Variants in ASB2 observed in about 807,000 individuals in gnomAD.
The protein encoded by ASB2 is ankyrin repeat and SOCS box protein 2.
In ASB2, 58 loss-of-function variants were observed where a neutral mutation model predicts 62.4. The observed-to-expected ratio is 0.93, with a 90% CI of 0.75 to 1.16. ASB2 has a LOEUF of 1.16. ASB2 is among the 50% of genes most tolerant of loss of function. The probability of loss-of-function intolerance (pLI) is 0.00; values close to 1 mark genes in which losing one functional copy is unlikely to be tolerated. For synonymous variants in ASB2, 386 were observed against 385.3 expected (o/e 1.00, Z -0.02); for missense variants, 928 against 887.9 (o/e 1.05, Z -0.57).
At chr14:93,972,713 G>A (rs894647648) in intron 1 of ASB2, among the ~76,000 whole-genome samples, 7 of 152,192 alleles carry the variant, frequency 4.6e-5, no homozygotes, top group African/African-American at 1.7e-4. Flanking sequence ...TCTGACCTTG[G>A]TAAGGAAGGG....
chr14:93,944,019 T>C (rs934313311), intron 7 of ASB2: 1 of 455,980 alleles, frequency 2.2e-6, no homozygotes, highest in Non-Finnish European at 4.4e-6. Context: ...CTGTGTTTTC[T>C]GTTGGCCACA....
chr14:93,975,014 C>T (rs775538224), intron 1 of ASB2, among the ~76,000 whole-genome samples: 8 of 152,344 alleles, frequency 5.3e-5, no homozygotes, highest in Middle Eastern at 3.4e-3. Flanking sequence ...TTCTTGGGGA[C>T]GCTGTGCAGC....
At chr14:93,937,600 G>T in intron 9 of ASB2, 98 bp downstream of exon 9, 2 of 1,221,060 alleles carry the variant, frequency 1.6e-6, no homozygotes, top group East Asian at 5.1e-5. Flanking sequence ...CAAGCAGCAG[G>T]TGCTCACAGG....
chr14:93,945,382 C>G (rs1337268336), intron 7 of ASB2, among the ~76,000 whole-genome samples: 1 of 152,188 alleles, frequency 6.6e-6, no homozygotes, highest in African/African-American at 2.4e-5. Flanking sequence ...GTCTGAACCG[C>G]TCAATCATGG....
chr14:93,939,214 G>T lies in ASB2; in HGVS notation c.1511C>A (p.Pro504His), dbSNP rs1888401960. Residue 504 changes from proline (P) to histidine (H), a missense_variant, in exon 8 of 10, where the codon CCC becomes CAC. Physicochemically the swap from Pro to His is moderately conservative, Grantham distance 77. Coordinates refer to ENST00000555019, the MANE Select transcript of ASB2 (RefSeq NM_001202429.2). ...FLMDLGCDGE[P>H]CFSCLYGNGP... is the part of the protein sequence containing the mutation. ...GTTGCCGTAGAGGCATGAGAAGCAGGGCTCGCCGTCGCAGCCCAGGTCCAT... is the reference window on the plus strand; with the variant it reads ...GTTGCCGTAGAGGCATGAGAAGCAGTGCTCGCCGTCGCAGCCCAGGTCCAT... The T allele has an allele frequency of 2.5e-6, 4 of 1,607,500 alleles. No homozygotes were observed. The highest frequency in any genetic ancestry group is 3.4e-6 in the Non-Finnish European group (4 of 1,175,708).
chr14:93,935,719 G>A (rs574462755), intron 9 of ASB2, among the ~76,000 whole-genome samples: 6 of 152,280 alleles, frequency 3.9e-5, no homozygotes, highest in African/African-American at 1.4e-4. Context: ...AGGGCCAGGC[G>A]GCTGCAGCGT....
rs200512221 is a variant in ASB2 at position 93,939,473 on chromosome 14, C to T, written c.1252G>A (p.Ala418Thr). The change falls in exon 8 of 10, where the codon GCG becomes ACG. Residue 418 changes from alanine (A) to threonine (T), a missense_variant. Coordinates refer to ENST00000555019, the MANE Select transcript of ASB2 (RefSeq NM_001202429.2). ...EDRRSSALYF[A>T]VVNNNVYATE... ...GCGTACACGTTGTTGTTGACCACCG[C>T]GAAGTACAGCGCGGAGCTGCGCCGG... is the stretch of plus-strand genomic sequence containing the variant. 2.6e-4 allele frequency: 412 copies of T among 1,611,956 alleles called. 6 individuals carry two copies. In the East Asian group the frequency reaches 8.9e-3, roughly 35 times the overall value.
chr14:93,961,387 C>A (rs558417280), intron 2 of ASB2, among the ~76,000 whole-genome samples: 1 of 152,360 alleles, frequency 6.6e-6, no homozygotes, highest in South Asian at 2.1e-4. Context: ...CCTTTATTCA[C>A]CCATTCACTC....
intron 7 of ASB2, chr14:93,941,726 T>C (rs1040770399): frequency 4.4e-6 from 2 of 455,864 alleles, no homozygotes; most frequent in Non-Finnish European, 8.8e-6. Context: ...GCTGGACAGA[T>C]GGGGCTGGTA....
rs1888777366 is a variant in ASB2, at chr14:93,947,534, A to G, written c.881-14T>C. On this transcript the variant is annotated splice_polypyrimidine_tract_variant and intron_variant, in intron 6 of 9. Coordinates refer to ENST00000555019, the MANE Select transcript of ASB2 (RefSeq NM_001202429.2). The stretch of plus-strand genomic sequence containing the variant: ...TGATGTCAGCACCTGGGGAAGGAGA[A>G]GAGATCAGCAAGTGGCCAAGTGACC... The G allele has an allele frequency of 6.2e-7, 1 of 1,612,534 alleles. No homozygotes were observed. Among genetic ancestry groups the G allele is most frequent in the East Asian group, 2.2e-5 (1 of 44,864 alleles).
Position 93,957,458 on chromosome 14 carries a change from C to T in ASB2, c.207-588G>A, listed in dbSNP as rs1363586898. On this transcript the variant is annotated intron_variant, in intron 2 of 9. Coordinates refer to ENST00000555019, the MANE Select transcript of ASB2 (RefSeq NM_001202429.2). The stretch of plus-strand genomic sequence containing the variant: ...TTATAGGATGCATGAGGAAGGGCGT[C>T]GGAACCAGGGCTGCAGTCAGACAGA... 2.0e-5 allele frequency: 19 copies of T among 934,326 alleles called. 1 individual carries two copies. In the South Asian group the frequency reaches 6.4e-4, roughly 31 times the overall value. 57.9% of individuals were successfully genotyped at this position (934,326 alleles called of 1,614,324 possible). A position where few individuals can be genotyped will look rare whatever the true frequency, so the allele number is the denominator to read the frequency against.
chr14:93,954,980 G>A (rs2141298350), intron 3 of ASB2: 1 of 452,326 alleles, frequency 2.2e-6, no homozygotes, highest in South Asian at 1.6e-5. Context: ...AGCCTTCACA[G>A]TTTAAAACTT....
intron 7 of ASB2, chr14:93,944,136 G>A (rs188473741): frequency 2.2e-4 from 84 of 385,778 alleles, no homozygotes; most frequent in African/African-American, 1.6e-3. Flanking sequence ...CAGCGGCAGC[G>A]CCATCTCGTC....
At position 93,951,097 on chromosome 14, in the gene ASB2, C is replaced by G. The variant is rs1162419369; in HGVS notation, c.782G>C (p.Gly261Ala). The change falls in exon 6 of 10, where the codon GGA becomes GCA. Residue 261 changes from glycine (G) to alanine (A), a missense_variant. Gly to Ala is a moderately conservative substitution (Grantham distance 60). Transcript: ENST00000555019. ...GGCGTTCTTGGATTCCACCTTGGCT[C>G]CTCCGCTCACCAGGATCTGCATGAC... ...LEVMQILVSG[G>A]AKVESKNAYG... 1 of 1,614,114 alleles carries G rather than the reference C, an allele frequency of 6.2e-7. No individual in the cohort carries two copies. The highest frequency in any genetic ancestry group is 1.3e-5 in the African/African-American group (1 of 74,942).
chr14:93,964,319 C>A lies in ASB2; in HGVS notation c.206+15G>T. The A allele has an allele frequency of 1.3e-6, 2 of 1,535,980 alleles. No individual in the cohort carries two copies. Among genetic ancestry groups the A allele is most frequent in the Non-Finnish European group, 1.7e-6 (2 of 1,146,724 alleles). On this transcript the variant is annotated intron_variant, in intron 2 of 9. Transcript: ENST00000555019. Reference sequence around the variant, plus strand: ...TGGATGGCCCCACTTCCCTCATCAGCCTCGCCTTGCTCACCTGGTCCATGG... The same window carrying A: ...TGGATGGCCCCACTTCCCTCATCAGACTCGCCTTGCTCACCTGGTCCATGG...
intron 7 of ASB2, among the ~76,000 whole-genome samples, chr14:93,943,416 G>A (rs187599533): frequency 1.2e-4 from 19 of 152,276 alleles, no homozygotes; most frequent in African/African-American, 2.9e-4. Context: ...AGGCTGAGGC[G>A]GGTGGATCAG....
Position 93,945,418 on chromosome 14 carries a change from G to A in ASB2, c.1052+1931C>T, listed in dbSNP as rs1013746321. Among the ~76,000 whole-genome samples the A allele has an allele frequency of 7.9e-5, 12 of 152,318 alleles. No individual in the cohort carries two copies. The South Asian group carries it at 8.3e-4, about 11-fold the overall frequency. On this transcript the variant is annotated intron_variant, in intron 7 of 9. Coordinates refer to ENST00000555019, the MANE Select transcript of ASB2 (RefSeq NM_001202429.2). ...AATGCACTCTCCCTAAGTAAGAGTG[G>A]GTGAGCATAGGACGCCTGAGCACAC...
chr14:93,934,392 T>C lies in ASB2; in HGVS notation c.*264A>G. On this transcript the variant is annotated 3_prime_UTR_variant, in exon 10 of 10. Transcript: ENST00000555019. The stretch of plus-strand genomic sequence containing the variant: ...CCCTGGCCCCAGGAATAGAGGTTTC[T>C]GCCATTCCTGAAGGTAGAGAAGGTC... 2.1e-6 allele frequency: 1 copy of C among 481,148 alleles called. No individual in the cohort carries two copies. The highest frequency in any genetic ancestry group is 2.1e-5 in the South Asian group (1 of 48,708). The allele number at this position is 481,148 out of a possible 1,614,324, so 29.8% of individuals were successfully genotyped here.
At chr14:93,970,341 C>T (rs1467464529) in intron 1 of ASB2, among the ~76,000 whole-genome samples, 1 of 152,202 alleles carries the variant, frequency 6.6e-6, no homozygotes, top group Non-Finnish European at 1.5e-5. Flanking sequence ...CACTTAGCAT[C>T]CTTGGCTGTG....
Sources: gnomAD v4.1 joint callset for allele counts (sites outside exome capture counted in the v4.1 genomes callset) on GRCh38, gnomAD v4.1.1 for gene constraint, MANE v1.5 for transcripts, NCBI Gene and HGNC (gene_info 2026-07-23, HGNC 2026-07-21) for gene names.